LHFPL3: variants seen among roughly 807,000 people sequenced by gnomAD.
LHFPL3 encodes LHFPL tetraspan subfamily member 3 protein.
LHFPL3 carries 5 observed loss-of-function variants against 19.3 expected under a neutral mutation model. The observed-to-expected ratio is 0.26, with a 90% confidence interval of 0.14 to 0.54. The LOEUF (loss-of-function observed/expected upper bound fraction) is 0.54. Ranked by LOEUF, LHFPL3 falls within the 20% of genes least tolerant of loss-of-function variation. The pLI is 0.94. For missense variants in LHFPL3, 249 were observed against 307.4 expected (o/e 0.81, Z 1.42); for synonymous variants, 133 against 126.2 (o/e 1.05, Z -0.36).
intron 1 of LHFPL3, among the ~76,000 whole-genome samples, chr7:104,598,634 A>C: frequency 6.6e-6 from 1 of 152,224 alleles, no homozygotes; most frequent in African/African-American, 2.4e-5. Flanking sequence ...TAAGAAAGTT[A>C]GCCAAAGCTT....
chr7:104,506,527 A>G (rs1584366565), intron 1 of LHFPL3, among the ~76,000 whole-genome samples: 1 of 152,332 alleles, frequency 6.6e-6, no homozygotes. Flanking sequence ...TCACCTTTGT[A>G]TACCCAGCAC....
At chr7:104,609,098 C>G (rs1453020757) in intron 1 of LHFPL3, among the ~76,000 whole-genome samples, 1 of 151,812 alleles carries the variant, frequency 6.6e-6, no homozygotes, top group Non-Finnish European at 1.5e-5. Flanking sequence ...AACCCTGTAT[C>G]TACTAAAAAT....
At chr7:104,434,381 T>C (rs1000087485) in intron 1 of LHFPL3, among the ~76,000 whole-genome samples, 1 of 152,216 alleles carries the variant, frequency 6.6e-6, no homozygotes, top group African/African-American at 2.4e-5. Flanking sequence ...TGTATGGAAA[T>C]TGTATGCAAA....
chr7:104,807,086 G>A (rs925320303), intron 2 of LHFPL3, among the ~76,000 whole-genome samples: 10 of 149,790 alleles, frequency 6.7e-5, no homozygotes, highest in Admixed American at 2.7e-4. Context: ...ACCTCAGAAT[G>A]TAATTTTATT....
chr7:104,450,233 A>G (rs1400744321), intron 1 of LHFPL3, among the ~76,000 whole-genome samples: 1 of 152,098 alleles, frequency 6.6e-6, no homozygotes, highest in East Asian at 1.9e-4. Context: ...TTGCTTATGG[A>G]GCTTGGTATC....
At position 104,547,230 on chromosome 7, in the gene LHFPL3, G is replaced by A. The variant is rs1253587329; in HGVS notation, c.446-189445G>A. 2.0e-4 allele frequency among the ~76,000 whole-genome samples: 3 copies of A among 15,266 alleles called. 1 individual carries two copies. The highest frequency in any genetic ancestry group is 1.3e-3 in the Admixed American group (1 of 746). The allele number at this position is 15,266 out of a possible 152,430, so 10.0% of individuals were successfully genotyped here. On this transcript the variant is annotated intron_variant, in intron 1 of 2. Coordinates refer to ENST00000424859, the MANE Select transcript of LHFPL3 (RefSeq NM_199000.3). ...CGCAGTCCGGCCTGGGCGACAGAGCGAGACTCCGTCTCAAAAAAAAAAAAA... is the reference window on the plus strand; with the variant it reads ...CGCAGTCCGGCCTGGGCGACAGAGCAAGACTCCGTCTCAAAAAAAAAAAAA...
At chr7:104,774,267 C>CA (rs1351341966) in intron 2 of LHFPL3, among the ~76,000 whole-genome samples, 1 of 152,240 alleles carries the variant, frequency 6.6e-6, no homozygotes, top group African/African-American at 2.4e-5. Flanking sequence ...AAATGATATT[C>CA]ATAATGATAG....
At position 104,399,440 on chromosome 7, in the gene LHFPL3, T is replaced by G. The variant is rs1163003287; in HGVS notation, c.445+70216T>G. Among the ~76,000 whole-genome samples the G allele has an allele frequency of 6.6e-6, 1 of 150,560 alleles. No homozygotes were observed. Among genetic ancestry groups the G allele is most frequent in the Non-Finnish European group, 1.5e-5 (1 of 67,906 alleles). On this transcript the variant is annotated intron_variant, in intron 1 of 2. Coordinates refer to ENST00000424859, the MANE Select transcript of LHFPL3 (RefSeq NM_199000.3). The surrounding 1 kb of genome is among the most constrained non-coding windows in gnomAD (Gnocchi z 4.4). ...ATGTACTATGTTCTTCTGTTTTTTT[T>G]TGTTTTTTAGGTTTTTTTTGTTTGT...
chr7:104,588,596 G>T (rs1790636030), intron 1 of LHFPL3, among the ~76,000 whole-genome samples: 1 of 152,132 alleles, frequency 6.6e-6, no homozygotes, highest in African/African-American at 2.4e-5. Context: ...ACTTGGCAAT[G>T]CAGGCTCTTT....
chr7:104,413,455 A>G (rs780970545), intron 1 of LHFPL3, among the ~76,000 whole-genome samples: 5 of 152,198 alleles, frequency 3.3e-5, no homozygotes, highest in Non-Finnish European at 5.9e-5. Flanking sequence ...AAGATCTTTT[A>G]ATATTAGCTC....
chr7:104,640,976 A>G (rs1791822545), intron 1 of LHFPL3, among the ~76,000 whole-genome samples: 1 of 152,236 alleles, frequency 6.6e-6, no homozygotes, highest in Admixed American at 6.5e-5. Flanking sequence ...AAGACTATTT[A>G]TCCCTCACAT....
rs538601664 is a variant in LHFPL3 at position 104,410,699 on chromosome 7, G to A, written c.445+81475G>A. Among the ~76,000 whole-genome samples the A allele has an allele frequency of 3.9e-5, 6 of 152,336 alleles. No individual in the cohort carries two copies. The South Asian group carries it at 1.2e-3, about 32-fold the overall frequency. On this transcript the variant is annotated intron_variant, in intron 1 of 2. Coordinates refer to ENST00000424859, the MANE Select transcript of LHFPL3 (RefSeq NM_199000.3). ...GACATAAATAGTGCATTACTTTGCAGCAGTGAGGAAAATATGTGCAAAAAT... is the reference window on the plus strand; with the variant it reads ...GACATAAATAGTGCATTACTTTGCAACAGTGAGGAAAATATGTGCAAAAAT...
chr7:104,511,317 C>T (rs996339162), intron 1 of LHFPL3, among the ~76,000 whole-genome samples: 1 of 152,146 alleles, frequency 6.6e-6, no homozygotes. Flanking sequence ...ACAACAAATT[C>T]TGGCAAGCAG....
chr7:104,809,843 C>T (rs535733189), intron 2 of LHFPL3, among the ~76,000 whole-genome samples: 3 of 152,184 alleles, frequency 2.0e-5, no homozygotes, highest in Non-Finnish European at 1.5e-5. Context: ...ATGCTATGCA[C>T]AGAGCCAGGT....
intron 1 of LHFPL3, among the ~76,000 whole-genome samples, chr7:104,467,567 A>G (rs1792817406): frequency 6.6e-6 from 1 of 152,188 alleles, no homozygotes; most frequent in Non-Finnish European, 1.5e-5. Context: ...AATCTCTTTT[A>G]TTATCCCCGT....
chr7:104,457,978 T>C (rs1011555401), intron 1 of LHFPL3, among the ~76,000 whole-genome samples: 36 of 146,464 alleles, frequency 2.5e-4, no homozygotes, highest in African/African-American at 8.8e-4. Context: ...TTTTTTCTTG[T>C]AAATTTGTTT....
chr7:104,727,982 G>A (rs1488311624), intron 1 of LHFPL3, among the ~76,000 whole-genome samples: 2 of 152,052 alleles, frequency 1.3e-5, no homozygotes, highest in Non-Finnish European at 2.9e-5. Flanking sequence ...AGGTAATGAA[G>A]GCCTAAAGTA....
chr7:104,454,890 A>T (rs1019331499), intron 1 of LHFPL3, among the ~76,000 whole-genome samples: 2 of 152,234 alleles, frequency 1.3e-5, no homozygotes, highest in African/African-American at 4.8e-5. Flanking sequence ...TAAAGTACAA[A>T]TTATTTAGAA....
intron 1 of LHFPL3, among the ~76,000 whole-genome samples, chr7:104,512,563 C>T (rs1156773333): frequency 2.0e-5 from 3 of 151,886 alleles, no homozygotes; most frequent in African/African-American, 7.3e-5. Flanking sequence ...TGGTGAAACC[C>T]CGTCTCTACT....
Sources: allele counts gnomAD v4.1 joint callset (sites outside exome capture counted in the v4.1 genomes callset), GRCh38; gene constraint gnomAD v4.1.1; non-coding constraint Gnocchi (gnomAD v3.1); transcripts MANE v1.5; gene names NCBI Gene and HGNC (gene_info 2026-07-23, HGNC 2026-07-21).